Variants in AUH observed in about 807,000 individuals in gnomAD.
AUH encodes AU RNA binding methylglutaconyl-CoA hydratase.
Under a neutral mutation model 42.3 loss-of-function variants are expected in AUH, and 29 were observed. The ratio of observed to expected loss-of-function variants is 0.69; its 90% CI spans 0.51 to 0.93. The LOEUF (loss-of-function observed/expected upper bound fraction) is 0.93, where lower values mean the gene tolerates loss of function less well. Ranked by LOEUF, AUH falls within the 40% of genes least tolerant of loss-of-function variation. AUH has a pLI of 0.00. For synonymous variants in AUH, 174 were observed against 166.4 expected (o/e 1.05, Z -0.35); for missense variants, 452 against 438.1 (o/e 1.03, Z -0.28).
chr9:91,278,251 G>C (rs1293611640), intron 6 of AUH, among the ~76,000 whole-genome samples: 1 of 152,132 alleles, frequency 6.6e-6, no homozygotes, highest in Non-Finnish European at 1.5e-5. Context: ...AAATAACGGG[G>C]AAAGCAAGAC....
chr9:91,225,026 A>G (rs2131244680), intron 6 of AUH, among the ~76,000 whole-genome samples: 1 of 152,362 alleles, frequency 6.6e-6, no homozygotes, highest in Admixed American at 6.5e-5. Context: ...ATATCTCCGG[A>G]ATAGTTACCC....
intron 6 of AUH, among the ~76,000 whole-genome samples, chr9:91,272,729 T>TCTCTG (rs1825247977): frequency 6.6e-6 from 1 of 152,220 alleles, no homozygotes; most frequent in Non-Finnish European, 1.5e-5. Context: ...TGGGGGTTTG[T>TCTCTG]CTCTGTTTAC....
intron 6 of AUH, among the ~76,000 whole-genome samples, chr9:91,234,591 T>C (rs150516595): frequency 7.9e-5 from 12 of 152,132 alleles, no homozygotes; most frequent in African/African-American, 2.2e-4. Context: ...CAGATGAAAC[T>C]GAATGGGAGT....
At chr9:91,319,940 G>C (rs190356598) in intron 4 of AUH, among the ~76,000 whole-genome samples, 1 of 152,108 alleles carries the variant, frequency 6.6e-6, no homozygotes, top group Middle Eastern at 3.2e-3. Context: ...TTTCACTCCT[G>C]CTCTAAAACT....
At chr9:91,281,031 A>G (rs1825920653) in intron 6 of AUH, among the ~76,000 whole-genome samples, 1 of 152,050 alleles carries the variant, frequency 6.6e-6, no homozygotes, top group Admixed American at 6.6e-5. Context: ...AGGTTTACTC[A>G]GCTTCTTAAA....
intron 4 of AUH, among the ~76,000 whole-genome samples, chr9:91,305,966 C>G (rs1381589266): frequency 6.6e-6 from 1 of 152,136 alleles, no homozygotes; most frequent in Non-Finnish European, 1.5e-5. Context: ...TGCTGAAACT[C>G]AATAGGAAGC....
intron 6 of AUH, among the ~76,000 whole-genome samples, chr9:91,256,235 AAAAT>A (rs1394799811): frequency 6.6e-6 from 1 of 152,190 alleles, no homozygotes; most frequent in Non-Finnish European, 1.5e-5. Context: ...AATCTGTCCT[AAAAT>A]AACATTTGTT....
chr9:91,222,926 C>T (rs1827214770), intron 6 of AUH, among the ~76,000 whole-genome samples: 1 of 152,088 alleles, frequency 6.6e-6, no homozygotes, highest in Admixed American at 6.5e-5. Flanking sequence ...TTCCAAGTCC[C>T]GGAAGCTCAA....
chr9:91,292,549 G>T (rs1826996188), intron 6 of AUH, among the ~76,000 whole-genome samples: 1 of 151,874 alleles, frequency 6.6e-6, no homozygotes. Context: ...AAAGTGCTAG[G>T]ATTACAGGCA....
chr9:91,269,254 T>A (rs999674481), intron 6 of AUH, among the ~76,000 whole-genome samples: 1 of 152,028 alleles, frequency 6.6e-6, no homozygotes, highest in Admixed American at 6.6e-5. Flanking sequence ...GCTGGCATTA[T>A]AGGCGTGAGC....
At chr9:91,356,992 C>A (rs532729299) in intron 1 of AUH, among the ~76,000 whole-genome samples, 23 of 152,308 alleles carry the variant, frequency 1.5e-4, no homozygotes, top group African/African-American at 5.3e-4. Flanking sequence ...AAACTGAAGA[C>A]AACAAAATGT....
chr9:91,350,333 T>TA (rs1222852633), intron 3 of AUH, among the ~76,000 whole-genome samples: 4 of 152,224 alleles, frequency 2.6e-5, no homozygotes, highest in Non-Finnish European at 4.4e-5. Flanking sequence ...AACTCTGTCC[T>TA]AACTGTCAAG....
chr9:91,253,540 A>C (rs2131398752), intron 6 of AUH, among the ~76,000 whole-genome samples: 1 of 152,344 alleles, frequency 6.6e-6, no homozygotes, highest in South Asian at 2.1e-4. Context: ...TCATCACAGT[A>C]AACCTCCTAG....
intron 4 of AUH, among the ~76,000 whole-genome samples, chr9:91,311,462 C>G (rs183742273): frequency 6.2e-4 from 94 of 152,332 alleles, no homozygotes; most frequent in African/African-American, 2.1e-3. Flanking sequence ...TTGCCTCACA[C>G]TAAATTCTGT....
At chr9:91,272,652 C>T (rs1825238625) in intron 6 of AUH, among the ~76,000 whole-genome samples, 1 of 152,200 alleles carries the variant, frequency 6.6e-6, no homozygotes, top group South Asian at 2.1e-4. Flanking sequence ...ACCACATTTA[C>T]TATGGTCTAA....
chr9:91,219,132 C>A (rs1449441435), intron 7 of AUH, among the ~76,000 whole-genome samples: 2 of 152,166 alleles, frequency 1.3e-5, no homozygotes, highest in Admixed American at 1.3e-4. Flanking sequence ...TGCTCACGTT[C>A]TCAGGCGGGG....
chr9:91,280,397 C>T (rs1256514950), intron 6 of AUH, among the ~76,000 whole-genome samples: 1 of 152,062 alleles, frequency 6.6e-6, no homozygotes, highest in Admixed American at 6.5e-5. Flanking sequence ...AGTAACCTGC[C>T]ACTCATAAAA....
intron 6 of AUH, among the ~76,000 whole-genome samples, chr9:91,273,376 G>C (rs1476587025): frequency 2.0e-5 from 3 of 150,158 alleles, no homozygotes; most frequent in African/African-American, 5.0e-5. Flanking sequence ...AACTCTTCCA[G>C]GTATTCCTTG....
intron 4 of AUH, among the ~76,000 whole-genome samples, chr9:91,311,506 ATTTC>A (rs1587832894): frequency 6.6e-6 from 1 of 152,374 alleles, no homozygotes; most frequent in Admixed American, 6.5e-5. Flanking sequence ...TATTTTAAAT[ATTTC>A]TTTATCATTA....
Sources: gnomAD v4.1 joint callset for allele counts (sites outside exome capture counted in the v4.1 genomes callset) on GRCh38, gnomAD v4.1.1 for gene constraint, MANE v1.5 for transcripts, NCBI Gene and HGNC (gene_info 2026-07-23, HGNC 2026-07-21) for gene names.